Variants in USP10 observed in about 807,000 individuals in gnomAD.
The protein encoded by USP10 is ubiquitin carboxyl-terminal hydrolase 10.
Under a neutral mutation model 84.5 loss-of-function variants are expected in USP10, and 22 were observed. The observed-to-expected ratio is 0.26, with a 90% CI of 0.19 to 0.37. USP10 has a LOEUF of 0.37. USP10 is among the 10% of genes least tolerant of loss of function. The pLI is 1.00. For missense variants in USP10, 1,019 were observed against 998.9 expected (o/e 1.02, Z -0.27); for synonymous variants, 454 against 387.6 (o/e 1.17, Z -2.01).
intron 1 of USP10, among the ~76,000 whole-genome samples, chr16:84,703,726 C>T (rs568192862): frequency 1.2e-3 from 181 of 152,234 alleles, no homozygotes; most frequent in Admixed American, 4.9e-3. Context: ...CCAGTGGTCA[C>T]CTTAGTGGTT....
At chr16:84,746,572 CAGATATGGTATA>C (rs1911250945) in intron 4 of USP10, among the ~76,000 whole-genome samples, 1 of 152,128 alleles carries the variant, frequency 6.6e-6, no homozygotes, top group African/African-American at 2.4e-5. Context: ...AAATATAGTA[CAGATATGGTATA>C]AAGGATGAAA....
chr16:84,700,226 G>T, intron 1 of USP10, 115 bp downstream of exon 1: 1 of 860,098 alleles, frequency 1.2e-6, no homozygotes, highest in South Asian at 5.1e-5. Flanking sequence ...GTGGGGGAGG[G>T]CGCTGGGACA....
In USP10 at chr16:84,758,567, A is replaced by C. The variant is rs75198562; in HGVS notation, c.1193-149A>C. The C allele has an allele frequency of 2.8e-3, 1,713 of 615,644 alleles. 15 individuals are homozygous for C. Among genetic ancestry groups the C allele is most frequent in the African/African-American group, 0.028 (1,509 of 54,658 alleles). The allele number at this position is 615,644 out of a possible 1,614,324, so 38.1% of individuals were successfully genotyped here. Reference sequence around the variant, plus strand: ...GAATAATGTACTTGATGTTGAACTGAATGAAGCCTTAACAGTATGCATTTT... The same window carrying C: ...GAATAATGTACTTGATGTTGAACTGCATGAAGCCTTAACAGTATGCATTTT... On this transcript the variant is annotated intron_variant, in intron 4 of 13. Transcript: ENST00000219473.
chr16:84,757,553 G>A (rs1912729737), intron 4 of USP10, among the ~76,000 whole-genome samples: 3 of 152,102 alleles, frequency 2.0e-5, no homozygotes, highest in Admixed American at 2.0e-4. Context: ...CGATGCCTTA[G>A]ATGGATGCTA....
At chr16:84,704,783 C>G in intron 1 of USP10, 2 of 1,535,472 alleles carry the variant, frequency 1.3e-6, no homozygotes, top group Non-Finnish European at 1.7e-6. Context: ...CTTGAGAACC[C>G]AGAAGCTCTA....
intron 3 of USP10, among the ~76,000 whole-genome samples, chr16:84,742,515 T>C (rs1412410181): frequency 4.6e-5 from 7 of 152,248 alleles, no homozygotes; most frequent in Non-Finnish European, 1.0e-4. Context: ...TCCTCTCTAC[T>C]GCATGTACTG....
chr16:84,700,652 G>A (rs1343778392), intron 1 of USP10, among the ~76,000 whole-genome samples: 1 of 152,198 alleles, frequency 6.6e-6, no homozygotes, highest in Non-Finnish European at 1.5e-5. Context: ...GATAGAAGTA[G>A]CAGAGTAGCG....
intron 1 of USP10, among the ~76,000 whole-genome samples, chr16:84,703,024 C>T (rs1250495541): frequency 7.3e-6 from 1 of 137,804 alleles, no homozygotes; most frequent in Non-Finnish European, 1.6e-5. Context: ...GAGCGAAACT[C>T]CATCTCAAAA....
At chr16:84,748,343 GC>G (rs1567627311) in intron 4 of USP10, among the ~76,000 whole-genome samples, 1 of 151,454 alleles carries the variant, frequency 6.6e-6, no homozygotes, top group East Asian at 2.0e-4. Context: ...TCACTCTGTC[GC>G]CCAGGCCGGA....
chr16:84,711,129 G>T (rs1414219311), intron 1 of USP10, among the ~76,000 whole-genome samples: 1 of 152,138 alleles, frequency 6.6e-6, no homozygotes, highest in East Asian at 1.9e-4. Flanking sequence ...TCTTCAGAAC[G>T]AGATTTCAGT....
chr16:84,759,612 C>G, intron 6 of USP10, 140 bp downstream of exon 6: 1 of 810,246 alleles, frequency 1.2e-6, no homozygotes, highest in East Asian at 2.7e-5. Context: ...AGACTGTTGG[C>G]GATTTTATAT....
At chr16:84,756,604 G>T (rs1435333970) in intron 4 of USP10, among the ~76,000 whole-genome samples, 1 of 151,944 alleles carries the variant, frequency 6.6e-6, no homozygotes, top group Non-Finnish European at 1.5e-5. Context: ...AAAAACAAAG[G>T]TTTCTATGTT....
At chr16:84,743,440 T>A (rs1184440716) in intron 3 of USP10, among the ~76,000 whole-genome samples, 1 of 152,144 alleles carries the variant, frequency 6.6e-6, no homozygotes, top group African/African-American at 2.4e-5. Context: ...GCGTCTGTAT[T>A]TTTTCTTCTA....
intron 1 of USP10, among the ~76,000 whole-genome samples, chr16:84,704,427 G>A (rs1025623023): frequency 1.3e-5 from 2 of 152,238 alleles, no homozygotes; most frequent in Non-Finnish European, 2.9e-5. Flanking sequence ...CTGGCCTTGG[G>A]CCATTGGATT....
At chr16:84,777,813 G>A (rs1042708052) in intron 13 of USP10, among the ~76,000 whole-genome samples, 17 of 152,244 alleles carry the variant, frequency 1.1e-4, no homozygotes, top group Non-Finnish European at 1.9e-4. Flanking sequence ...TACCAGCCAA[G>A]TCTTGCATCT....
At chr16:84,721,079 A>C (rs1416390694) in intron 1 of USP10, among the ~76,000 whole-genome samples, 1 of 151,966 alleles carries the variant, frequency 6.6e-6, no homozygotes, top group Non-Finnish European at 1.5e-5. Context: ...TTTTTAGTAA[A>C]GACGGGGTTT....
chr16:84,745,335 C>G lies in USP10; in HGVS notation c.854C>G (p.Ala285Gly). The G allele has an allele frequency of 8.7e-6, 14 of 1,613,034 alleles. No homozygotes were observed. Among genetic ancestry groups the G allele is most frequent in the Non-Finnish European group, 1.2e-5 (14 of 1,179,722 alleles). The change falls in exon 4 of 14, where the codon GCT becomes GGT. Residue 285 changes from alanine (A) to glycine (G), a missense_variant. Transcript: ENST00000219473. The stretch of plus-strand genomic sequence containing the variant: ...GATACTACTGAAAACCTTGGAGTTG[C>G]TAATGGACAAATACTTGAATCCTCG... ...GTDTTENLGV[A>G]NGQILESSGE...
At chr16:84,735,399 A>G (rs1170762443) in intron 2 of USP10, among the ~76,000 whole-genome samples, 1 of 152,166 alleles carries the variant, frequency 6.6e-6, no homozygotes, top group African/African-American at 2.4e-5. Context: ...TTCATGTGAT[A>G]GGAAAGTGAA....
chr16:84,768,683 A>G (rs1268500616), intron 11 of USP10, among the ~76,000 whole-genome samples: 3 of 152,238 alleles, frequency 2.0e-5, no homozygotes, highest in Non-Finnish European at 4.4e-5. Flanking sequence ...TAGCTTATTT[A>G]TGTTCATGAT....
Sources: allele counts gnomAD v4.1 joint callset (sites outside exome capture counted in the v4.1 genomes callset), GRCh38; gene constraint gnomAD v4.1.1; transcripts MANE v1.5; gene names NCBI Gene and HGNC (gene_info 2026-07-23, HGNC 2026-07-21).